The following COL19A1 variants were observed in gnomAD, a reference collection of about 807,000 sequenced individuals.
COL19A1 encodes collagen alpha-1(XIX) chain.
COL19A1 carries 159 observed loss-of-function variants against 190.2 expected under a neutral mutation model. That is an observed-to-expected ratio of 0.84 (90% CI 0.73 to 0.95). The LOEUF is 0.95. Among genes scored for constraint, COL19A1 ranks in the 40% least tolerant of loss-of-function variants. The pLI, the probability that COL19A1 is intolerant of heterozygous loss-of-function variation, is 0.00. For synonymous variants in COL19A1, 509 were observed against 458.9 expected, an observed-to-expected ratio of 1.11 and a Z score of -1.39; for missense variants, 1,418 against 1,431.9, an observed-to-expected ratio of 0.99 and a Z score of 0.16.
At chr6:69,983,230 A>G (rs2150067188) in intron 11 of COL19A1, among the ~76,000 whole-genome samples, 1 of 152,178 alleles carries the variant, frequency 6.6e-6, no homozygotes, top group South Asian at 2.1e-4. Context: ...GAGTTCTTAC[A>G]TAATTTTCGT....
intron 9 of COL19A1, among the ~76,000 whole-genome samples, chr6:69,938,603 T>G (rs1442408963): frequency 1.3e-5 from 2 of 152,156 alleles, no homozygotes; most frequent in Admixed American, 1.3e-4. Context: ...CTGTTCTCAA[T>G]GATTTTACAT....
At chr6:69,946,847 A>G (rs1309018398) in intron 9 of COL19A1, among the ~76,000 whole-genome samples, 1 of 151,884 alleles carries the variant, frequency 6.6e-6, no homozygotes, top group Non-Finnish European at 1.5e-5. Flanking sequence ...ATACAGAACA[A>G]GTCCTATAGT....
chr6:70,098,223 T>A (rs1234326147), intron 15 of COL19A1, among the ~76,000 whole-genome samples: 1 of 152,184 alleles, frequency 6.6e-6, no homozygotes, highest in South Asian at 2.1e-4. Flanking sequence ...ATTTTAGTCC[T>A]AGGAAGGGAG....
Position 70,165,954 on chromosome 6 carries a change from C to A in COL19A1, c.2414C>A (p.Pro805His), listed in dbSNP as rs1235641624. Reference sequence around the variant, plus strand: ...TATCCCTTGCAGGGCAGCGACGGACCCCCTGGGAAACCCGGACCACCTGGA... The same window carrying A: ...TATCCCTTGCAGGGCAGCGACGGACACCCTGGGAAACCCGGACCACCTGGA... ...GAKGEKGSDG[P>H]PGKPGPPGPP... The change falls in exon 37 of 51, where the codon CCC becomes CAC. Residue 805 changes from proline to histidine, a missense_variant. Coordinates refer to ENST00000620364, the MANE Select transcript of COL19A1 (RefSeq NM_001858.6). 6.2e-7 allele frequency: 1 copy of A among 1,613,914 alleles called. No individual in the cohort carries two copies. The highest frequency in any genetic ancestry group is 8.5e-7 in the Non-Finnish European group (1 of 1,179,858).
intron 36 of COL19A1, among the ~76,000 whole-genome samples, chr6:70,163,685 G>A (rs1787962360): frequency 6.6e-6 from 1 of 152,170 alleles, no homozygotes; most frequent in Admixed American, 6.5e-5. Context: ...GATTGGGTGG[G>A]GGAGCCTCCT....
intron 11 of COL19A1, among the ~76,000 whole-genome samples, chr6:69,973,612 G>A (rs1166567367): frequency 7.6e-6 from 1 of 130,906 alleles, no homozygotes; most frequent in East Asian, 2.5e-4. Context: ...AAAAAGATGT[G>A]TTTTTTTAAA....
chr6:69,969,083 C>T (rs1332430852), intron 11 of COL19A1, among the ~76,000 whole-genome samples: 1 of 152,062 alleles, frequency 6.6e-6, no homozygotes, highest in South Asian at 2.1e-4. Flanking sequence ...TAATTACTAC[C>T]TCACAGAATG....
chr6:69,994,271 G>A (rs1035353236), intron 11 of COL19A1, among the ~76,000 whole-genome samples: 2 of 152,098 alleles, frequency 1.3e-5, no homozygotes, highest in East Asian at 1.9e-4. Flanking sequence ...TAAATTCCTA[G>A]CTCTTTTCAT....
intron 42 of COL19A1, among the ~76,000 whole-genome samples, chr6:70,178,563 G>C (rs1187863425): frequency 2.0e-5 from 3 of 152,174 alleles, no homozygotes; most frequent in Non-Finnish European, 4.4e-5. Context: ...CTAGATGACA[G>C]TGTGAATGCA....
chr6:70,072,031 G>C (rs973910763), intron 15 of COL19A1, among the ~76,000 whole-genome samples: 4 of 151,996 alleles, frequency 2.6e-5, no homozygotes, highest in African/African-American at 9.7e-5. Context: ...AGGTAGGAGA[G>C]GCAAACAATG....
At chr6:69,914,058 T>G (rs1771133100) in intron 4 of COL19A1, among the ~76,000 whole-genome samples, 1 of 152,110 alleles carries the variant, frequency 6.6e-6, no homozygotes, top group African/African-American at 2.4e-5. Flanking sequence ...TATCCTTGGT[T>G]TTTGTTATCT....
At chr6:69,884,860 C>CT (rs551532506) in intron 2 of COL19A1, among the ~76,000 whole-genome samples, 24,998 of 144,068 alleles carry the variant, frequency 0.17, 2,283 homozygotes, top group South Asian at 0.25. Context: ...GCTCTTTTCT[C>CT]TTTTTTTTTT....
chr6:70,042,212 C>T (rs1018981032), intron 14 of COL19A1, among the ~76,000 whole-genome samples: 4 of 152,108 alleles, frequency 2.6e-5, no homozygotes, highest in African/African-American at 9.7e-5. Flanking sequence ...ACCAGGATAG[C>T]TATGTTTATC....
chr6:69,981,618 T>C (rs1479098027), intron 11 of COL19A1, among the ~76,000 whole-genome samples: 1 of 151,916 alleles, frequency 6.6e-6, no homozygotes, highest in Non-Finnish European at 1.5e-5. Flanking sequence ...TGATTTATTG[T>C]CTTACTTCAG....
chr6:70,176,335 G>A (rs1765802123), intron 41 of COL19A1, among the ~76,000 whole-genome samples, 185 bp from the exon 42 acceptor site: 1 of 152,132 alleles, frequency 6.6e-6, no homozygotes, highest in Admixed American at 6.5e-5. Context: ...GAGTTCAGTT[G>A]TCAATTAGCT....
chr6:69,921,566 A>G (rs1370584917), intron 4 of COL19A1, among the ~76,000 whole-genome samples: 1 of 131,030 alleles, frequency 7.6e-6, no homozygotes, highest in Non-Finnish European at 1.6e-5. Context: ...ATATATTCGT[A>G]TATATTCATA....
intron 15 of COL19A1, among the ~76,000 whole-genome samples, chr6:70,091,477 A>G (rs1241074044): frequency 1.3e-5 from 2 of 152,214 alleles, no homozygotes; most frequent in Non-Finnish European, 2.9e-5. Flanking sequence ...AAATTAATTT[A>G]TGAACAATTC....
chr6:69,942,860 A>G (rs1773563579), intron 9 of COL19A1, among the ~76,000 whole-genome samples: 1 of 150,634 alleles, frequency 6.6e-6, no homozygotes, highest in South Asian at 2.2e-4. Flanking sequence ...TGTAATAAAC[A>G]CAGGCTTTCA....
rs1214547325 is a variant in COL19A1 at position 69,899,093 on chromosome 6, A to C, written c.166+71A>C. On this transcript the variant is annotated intron_variant, in intron 3 of 50. Transcript: ENST00000620364. ...TCACCAAATGCTAGATATGGAATAC[A>C]TTATAGGTGAATCTTTGATACTGCA... 3 of 939,310 alleles carry C rather than the reference A, an allele frequency of 3.2e-6. No individual in the cohort carries two copies. The African/African-American group carries it at 4.9e-5, about 15-fold the overall frequency. 58.2% of individuals were successfully genotyped at this position (939,310 alleles called of 1,614,324 possible).
Sources: allele counts gnomAD v4.1 joint callset (sites outside exome capture counted in the v4.1 genomes callset), GRCh38; gene constraint gnomAD v4.1.1; transcripts MANE v1.5; gene names NCBI Gene and HGNC (gene_info 2026-07-23, HGNC 2026-07-21).